Variants in RAI1 observed in about 807,000 individuals in gnomAD.
The protein encoded by RAI1 is retinoic acid-induced protein 1.
Under a neutral mutation model 123.8 loss-of-function variants are expected in RAI1, and 9 were observed. The ratio of observed to expected loss-of-function variants is 0.07; its 90% CI spans 0.04 to 0.13. RAI1 has a LOEUF of 0.13. Ranked by LOEUF, RAI1 falls within the 10% of genes least tolerant of loss-of-function variation. RAI1 has a pLI of 1.00. For synonymous variants in RAI1, 1,231 were observed against 1,127.3 expected, an observed-to-expected ratio of 1.09 and a Z score of -1.84; for missense variants, 2,256 against 2,545.8, an observed-to-expected ratio of 0.89 and a Z score of 2.45.
At chr17:17,763,521 C>T (rs961151966) in intron 2 of RAI1, among the ~76,000 whole-genome samples, 1 of 152,202 alleles carries the variant, frequency 6.6e-6, no homozygotes, top group African/African-American at 2.4e-5. Context: ...AGCCAAAAGA[C>T]GGGGCCAGCC....
intron 3 of RAI1, chr17:17,802,020 A>G (rs1206477542): frequency 4.3e-6 from 2 of 468,312 alleles, no homozygotes; most frequent in African/African-American, 2.0e-5. Flanking sequence ...TGCCTTCTCT[A>G]CCTCACCCCC....
chr17:17,735,056 CT>C (rs11285842), intron 2 of RAI1, among the ~76,000 whole-genome samples: 91,940 of 148,094 alleles, frequency 0.62, 29,500 homozygotes, highest in African/African-American at 0.8. Context: ...TAGAAACTTA[CT>C]TTTTTTTTTT....
intron 2 of RAI1, among the ~76,000 whole-genome samples, chr17:17,753,107 C>T (rs938678967): frequency 6.6e-6 from 1 of 152,214 alleles, no homozygotes; most frequent in Non-Finnish European, 1.5e-5. Flanking sequence ...AGTGTCTGGC[C>T]TGGACCCCAG....
At chr17:17,695,219 C>T (rs1914981836) in intron 1 of RAI1, among the ~76,000 whole-genome samples, 1 of 148,218 alleles carries the variant, frequency 6.7e-6, no homozygotes, top group Non-Finnish European at 1.5e-5. Flanking sequence ...TGAGGACCTA[C>T]CCTTTGCCCT....
intron 2 of RAI1, among the ~76,000 whole-genome samples, chr17:17,766,939 G>C (rs1318941323): frequency 6.6e-6 from 1 of 152,064 alleles, no homozygotes; most frequent in African/African-American, 2.4e-5. Context: ...GAGCAGGAGA[G>C]GGTGGGGTGG....
chr17:17,755,451 G>T (rs1410016342), intron 2 of RAI1, among the ~76,000 whole-genome samples: 2 of 152,172 alleles, frequency 1.3e-5, no homozygotes, highest in Non-Finnish European at 2.9e-5. Flanking sequence ...CGACCTTGGG[G>T]TCACCCTCAC....
intron 2 of RAI1, among the ~76,000 whole-genome samples, chr17:17,748,959 C>G (rs1330708240): frequency 1.3e-5 from 2 of 152,216 alleles, no homozygotes; most frequent in African/African-American, 2.4e-5. Context: ...CCTCAAAGAA[C>G]TGCTGCATCT....
At chr17:17,781,936 A>C (rs544537476) in intron 2 of RAI1, among the ~76,000 whole-genome samples, 1 of 152,120 alleles carries the variant, frequency 6.6e-6, no homozygotes, top group Non-Finnish European at 1.5e-5. Flanking sequence ...AAACCAACGG[A>C]GGGCTCGGGG....
At chr17:17,780,325 C>T (rs1310307054) in intron 2 of RAI1, among the ~76,000 whole-genome samples, 1 of 152,176 alleles carries the variant, frequency 6.6e-6, no homozygotes, top group Non-Finnish European at 1.5e-5. Flanking sequence ...CTTGGCCTCC[C>T]AAAGTGCTAG....
Position 17,793,241 on chromosome 17 carries a change from C to T in RAI1, c.293C>T (p.Pro98Leu). Residue 98 changes from proline to leucine, a missense_variant, in exon 3 of 6, where the codon CCT (proline) becomes CTT (leucine). Transcript: ENST00000353383. The part of the protein sequence containing the change: ...QQGLQGRPAF[P>L]GYGVQDSSPY... Reference sequence around the variant, plus strand: ...GGCCTGCAGGGGAGGCCGGCTTTCCCTGGCTACGGCGTCCAGGACAGCAGC... The same window carrying T: ...GGCCTGCAGGGGAGGCCGGCTTTCCTTGGCTACGGCGTCCAGGACAGCAGC... 6.2e-7 allele frequency: 1 copy of T among 1,611,464 alleles called. No individual in the cohort carries two copies. The highest frequency in any genetic ancestry group is 8.5e-7 in the Non-Finnish European group (1 of 1,179,180).
At chr17:17,722,256 G>A (rs566023413) in intron 1 of RAI1, among the ~76,000 whole-genome samples, 1 of 152,202 alleles carries the variant, frequency 6.6e-6, no homozygotes, top group Non-Finnish European at 1.5e-5. Flanking sequence ...TGGATGCAGC[G>A]ACGGATGGAT....
intron 1 of RAI1, among the ~76,000 whole-genome samples, chr17:17,694,702 G>GCGACGC (rs1914954288): frequency 6.6e-6 from 1 of 151,064 alleles, no homozygotes; most frequent in Non-Finnish European, 1.5e-5. Context: ...GTCGGGGCCC[G>GCGACGC]CGACGCCGAC....
chr17:17,695,542 T>TG (rs1296837926), intron 1 of RAI1, among the ~76,000 whole-genome samples: 1 of 151,718 alleles, frequency 6.6e-6, no homozygotes, highest in African/African-American at 2.4e-5. Flanking sequence ...TTTTTTTTTT[T>TG]TTGAGCTAGA....
chr17:17,810,904 C>T lies in RAI1; in HGVS notation c.*923C>T, dbSNP rs1383046254. On this transcript the variant is annotated 3_prime_UTR_variant, in exon 6 of 6. Coordinates refer to ENST00000353383, the MANE Select transcript of RAI1 (RefSeq NM_030665.4). This position sits in a 1 kb window ranked among gnomAD's most constrained non-coding sequence, Gnocchi z 4.6. ...AGATTTCGTGTACAAAACCTGTGTA[C>T]CCCTCTATATATATGTTACATAGAA... 2.4e-6 allele frequency: 1 copy of T among 420,192 alleles called. No individual in the cohort carries two copies. The highest frequency in any genetic ancestry group is 4.9e-6 in the Non-Finnish European group (1 of 202,644). 26.0% of individuals were successfully genotyped at this position (420,192 alleles called of 1,614,324 possible).
Position 17,809,768 on chromosome 17 carries a change from C to A in RAI1, c.5710-202C>A, listed in dbSNP as rs2032680523. Among the ~76,000 whole-genome samples, 1 of 152,024 alleles carries A rather than the reference C, an allele frequency of 6.6e-6. No individual in the cohort carries two copies. The highest frequency in any genetic ancestry group is 2.1e-4 in the South Asian group (1 of 4,826). On this transcript the variant is annotated intron_variant, in intron 5 of 5. Transcript: ENST00000353383. This position sits in a 1 kb window ranked among gnomAD's most constrained non-coding sequence, Gnocchi z 4.9. ...CAGGCGGGGGCGCGGGACGGTGGCA[C>A]GGAGCTGAAGGCGAAGGTGAAGGTG...
Position 17,798,087 on chromosome 17 carries a change from C to G in RAI1, c.5139C>G (p.Pro1713=). 1 of 1,614,006 alleles carries G rather than the reference C, an allele frequency of 6.2e-7. No homozygotes were observed. Among genetic ancestry groups the G allele is most frequent in the Non-Finnish European group, 8.5e-7 (1 of 1,180,032 alleles). Reference sequence around the variant, plus strand: ...CCTACTACCCTGAACACTGCCTCCCCAAAAAGAAGCCAAAACTCAAGGAGA... The same window carrying G: ...CCTACTACCCTGAACACTGCCTCCCGAAAAAGAAGCCAAAACTCAAGGAGA... ...CGPYYPEHCL[P]KKKPKLKEKV... The change falls in exon 3 of 6, where the codon CCC becomes CCG. Residue 1713 remains proline (P), a synonymous_variant. Transcript: ENST00000353383.
intron 1 of RAI1, among the ~76,000 whole-genome samples, chr17:17,708,710 G>A (rs1167529849): frequency 2.0e-5 from 3 of 152,140 alleles, no homozygotes; most frequent in Admixed American, 6.6e-5. Context: ...TCTTTCTAGC[G>A]ACTGAGGGCC....
At chr17:17,708,623 T>A (rs1006695118) in intron 1 of RAI1, among the ~76,000 whole-genome samples, 1 of 152,068 alleles carries the variant, frequency 6.6e-6, no homozygotes, top group Non-Finnish European at 1.5e-5. Context: ...CTGGGTTGCA[T>A]CTTGACTCAG....
chr17:17,740,338 G>A (rs544563447), intron 2 of RAI1, among the ~76,000 whole-genome samples: 1 of 152,288 alleles, frequency 6.6e-6, no homozygotes, highest in African/African-American at 2.4e-5. Flanking sequence ...CCCAGGGGCT[G>A]GTGGTGTTCC....
Sources: allele counts gnomAD v4.1 joint callset (sites outside exome capture counted in the v4.1 genomes callset), GRCh38; gene constraint gnomAD v4.1.1; non-coding constraint Gnocchi (gnomAD v3.1); transcripts MANE v1.5; gene names NCBI Gene and HGNC (gene_info 2026-07-23, HGNC 2026-07-21).